CSMD3: variants seen among roughly 807,000 people sequenced by gnomAD.
The protein encoded by CSMD3 is CUB and sushi domain-containing protein 3.
CSMD3 carries 177 observed loss-of-function variants against 435.2 expected under a neutral mutation model. That is an observed-to-expected ratio of 0.41 (90% CI 0.36 to 0.46). The LOEUF (loss-of-function observed/expected upper bound fraction) is 0.46. Ranked by LOEUF, CSMD3 falls within the 20% of genes least tolerant of loss-of-function variation. The probability of loss-of-function intolerance (pLI) is 0.34; values close to 1 mark genes in which losing one functional copy is unlikely to be tolerated. For missense variants in CSMD3, 4,265 were observed against 4,504.6 expected (o/e 0.95, Z 1.52); for synonymous variants, 1,656 against 1,520.5 (o/e 1.09, Z -2.07).
chr8:113,196,974 T>C (rs1189888588), intron 3 of CSMD3, among the ~76,000 whole-genome samples: 1 of 150,750 alleles, frequency 6.6e-6, no homozygotes, highest in Non-Finnish European at 1.5e-5. Flanking sequence ...GTGGAACAAT[T>C]TTCTTACTTG....
At chr8:113,104,617 T>C (rs2090423698) in intron 4 of CSMD3, among the ~76,000 whole-genome samples, 2 of 152,072 alleles carry the variant, frequency 1.3e-5, no homozygotes, top group Admixed American at 1.3e-4. Flanking sequence ...TTGTTTTATG[T>C]TTGTCACGGT....
At chr8:113,023,430 C>T (rs1469721426) in intron 5 of CSMD3, among the ~76,000 whole-genome samples, 1 of 151,998 alleles carries the variant, frequency 6.6e-6, no homozygotes, top group Admixed American at 6.6e-5. Context: ...AGCATGCTCC[C>T]GTGCTTTCTC....
intron 3 of CSMD3, among the ~76,000 whole-genome samples, chr8:113,253,054 T>G (rs1353528339): frequency 1.3e-5 from 2 of 152,026 alleles, no homozygotes; most frequent in African/African-American, 4.8e-5. Flanking sequence ...AGATCAATAA[T>G]ATAAATTTAA....
chr8:113,009,950 ACT>A (rs1284153124), intron 6 of CSMD3, among the ~76,000 whole-genome samples: 1 of 151,640 alleles, frequency 6.6e-6, no homozygotes, highest in African/African-American at 2.4e-5. Flanking sequence ...CAATGAATAG[ACT>A]CTGCTGATAT....
At chr8:112,358,421 G>C (rs1450278519) in intron 38 of CSMD3, among the ~76,000 whole-genome samples, 2 of 152,070 alleles carry the variant, frequency 1.3e-5, no homozygotes, top group Non-Finnish European at 2.9e-5. Flanking sequence ...TGAAGATGTG[G>C]GATTTGGGAG....
intron 12 of CSMD3, among the ~76,000 whole-genome samples, chr8:112,819,765 C>T (rs775509926): frequency 1.3e-4 from 20 of 152,018 alleles, no homozygotes; most frequent in Non-Finnish European, 2.1e-4. Context: ...CTCAGAGTGA[C>T]GACATTGTAC....
At chr8:112,813,864 C>T (rs2079296322) in intron 12 of CSMD3, among the ~76,000 whole-genome samples, 1 of 152,152 alleles carries the variant, frequency 6.6e-6, no homozygotes, top group Non-Finnish European at 1.5e-5. Flanking sequence ...TGGTTCTTCA[C>T]CTGACCAACT....
At chr8:112,430,261 CA>C (rs1188060458) in intron 32 of CSMD3, among the ~76,000 whole-genome samples, 2 of 151,586 alleles carry the variant, frequency 1.3e-5, no homozygotes, top group Non-Finnish European at 2.9e-5. Flanking sequence ...TGAAGAGTGA[CA>C]AAAAAACAGA....
intron 13 of CSMD3, among the ~76,000 whole-genome samples, chr8:112,741,419 A>T (rs2077301893): frequency 6.6e-6 from 1 of 151,892 alleles, no homozygotes; most frequent in Non-Finnish European, 1.5e-5. Context: ...TGACAATTAT[A>T]GTAATTATAA....
chr8:112,238,682 G>GAATTT (rs1813827952), intron 66 of CSMD3, among the ~76,000 whole-genome samples: 1 of 93,672 alleles, frequency 1.1e-5, no homozygotes, highest in Admixed American at 1.4e-4. Flanking sequence ...TTTAGAGTTT[G>GAATTT]TTAAGAATTT....
At chr8:112,352,133 T>C (rs1386795166) in intron 39 of CSMD3, among the ~76,000 whole-genome samples, 1 of 152,094 alleles carries the variant, frequency 6.6e-6, no homozygotes, top group Non-Finnish European at 1.5e-5. Context: ...AATTTTTACT[T>C]TAAAAGACTT....
intron 13 of CSMD3, among the ~76,000 whole-genome samples, chr8:112,701,072 C>T (rs1369336355): frequency 6.6e-6 from 1 of 152,124 alleles, no homozygotes; most frequent in Non-Finnish European, 1.5e-5. Flanking sequence ...CCCCCTCTTT[C>T]TTGCTGTCTT....
At chr8:112,277,264 C>A (rs1818159591) in intron 59 of CSMD3, among the ~76,000 whole-genome samples, 1 of 152,162 alleles carries the variant, frequency 6.6e-6, no homozygotes, top group South Asian at 2.1e-4. Flanking sequence ...TTAGACATTT[C>A]TTCCACCAGA....
chr8:112,839,812 A>G (rs2132525115), intron 11 of CSMD3, among the ~76,000 whole-genome samples: 1 of 151,796 alleles, frequency 6.6e-6, no homozygotes, highest in South Asian at 2.1e-4. Context: ...ATGATTAGAT[A>G]CACAACTATA....
intron 3 of CSMD3, among the ~76,000 whole-genome samples, chr8:113,231,670 A>G (rs1457695530): frequency 2.0e-5 from 3 of 151,498 alleles, no homozygotes; most frequent in Non-Finnish European, 4.4e-5. Context: ...ATACAAAAAT[A>G]CTTTTCTTCA....
At chr8:112,267,805 G>C (rs189673327) in intron 59 of CSMD3, among the ~76,000 whole-genome samples, 1 of 152,020 alleles carries the variant, frequency 6.6e-6, no homozygotes, top group Non-Finnish European at 1.5e-5. Context: ...CTTTAGAAGG[G>C]TTTGTTTGGT....
At chr8:112,947,906 A>G in intron 8 of CSMD3, 29 bp from the exon 9 acceptor site, 1 of 918,692 alleles carries the variant, frequency 1.1e-6, no homozygotes, top group Non-Finnish European at 1.8e-6. Flanking sequence ...AAGAAAAAAG[A>G]AACAAAATAT....
chr8:112,913,960 C>T (rs1328126417), intron 10 of CSMD3, among the ~76,000 whole-genome samples: 3 of 151,826 alleles, frequency 2.0e-5, no homozygotes, highest in Non-Finnish European at 4.4e-5. Context: ...TTTTTCGTTG[C>T]TGTTTTTCCC....
chr8:112,296,968 A>T (rs767158397), intron 53 of CSMD3, among the ~76,000 whole-genome samples: 6 of 151,960 alleles, frequency 3.9e-5, no homozygotes, highest in Admixed American at 2.0e-4. Flanking sequence ...ATGCCAATAC[A>T]TTTTAACACT....
Sources: allele counts gnomAD v4.1 joint callset (sites outside exome capture counted in the v4.1 genomes callset), GRCh38; gene constraint gnomAD v4.1.1; transcripts MANE v1.5; gene names NCBI Gene and HGNC (gene_info 2026-07-23, HGNC 2026-07-21).